Variants in PDE4B observed in about 807,000 individuals in gnomAD.
The protein encoded by PDE4B is 3',5'-cyclic-AMP phosphodiesterase 4B.
Under a neutral mutation model 82.2 loss-of-function variants are expected in PDE4B, and 20 were observed. The observed-to-expected ratio is 0.24, with a 90% CI of 0.17 to 0.35. The LOEUF is 0.35. Among genes scored for constraint, PDE4B ranks in the 10% least tolerant of loss-of-function variants. PDE4B has a pLI of 1.00. For missense variants in PDE4B, 655 were observed against 907.2 expected, an observed-to-expected ratio of 0.72 and a Z score of 3.57; for synonymous variants, 320 against 318.9, an observed-to-expected ratio of 1.00 and a Z score of -0.04.
chr1:65,933,188 A>G (rs1647932716), intron 3 of PDE4B, among the ~76,000 whole-genome samples: 2 of 152,196 alleles, frequency 1.3e-5, no homozygotes, highest in Non-Finnish European at 2.9e-5. Flanking sequence ...GCAAAGGGAG[A>G]ATTTTCAAAG....
At chr1:66,054,441 C>G (rs1655198322) in intron 3 of PDE4B, among the ~76,000 whole-genome samples, 1 of 152,198 alleles carries the variant, frequency 6.6e-6, no homozygotes. Flanking sequence ...CAAAAGTTTT[C>G]TCATGCCCCC....
At chr1:66,270,436 A>G (rs1311191004) in intron 7 of PDE4B, among the ~76,000 whole-genome samples, 1 of 152,222 alleles carries the variant, frequency 6.6e-6, no homozygotes, top group Non-Finnish European at 1.5e-5. Context: ...AGTAGTGGAC[A>G]AGAGGGTCAG....
chr1:66,263,791 AC>A (rs2101723547), intron 6 of PDE4B, among the ~76,000 whole-genome samples: 1 of 151,646 alleles, frequency 6.6e-6, no homozygotes, highest in African/African-American at 2.4e-5. Flanking sequence ...CCTTAACTTA[AC>A]CTTTGATGGG....
chr1:66,123,493 C>T (rs1463258147), intron 3 of PDE4B, among the ~76,000 whole-genome samples: 1 of 151,956 alleles, frequency 6.6e-6, no homozygotes, highest in East Asian at 1.9e-4. Flanking sequence ...CTTCCTTTGT[C>T]ATTCCCTCTC....
intron 1 of PDE4B, among the ~76,000 whole-genome samples, chr1:65,816,917 A>G (rs116587067): frequency 0.011 from 1,690 of 152,360 alleles, 33 homozygotes; most frequent in African/African-American, 0.039. Flanking sequence ...TCATAAACAT[A>G]TTTGTAAAAA....
chr1:66,081,133 T>G (rs2100959736), intron 3 of PDE4B, among the ~76,000 whole-genome samples: 1 of 152,304 alleles, frequency 6.6e-6, no homozygotes, highest in South Asian at 2.1e-4. Context: ...CCATGGTCTT[T>G]TGCTCCATGT....
chr1:65,835,627 C>T (rs193218243), intron 1 of PDE4B, among the ~76,000 whole-genome samples: 1 of 152,246 alleles, frequency 6.6e-6, no homozygotes, highest in African/African-American at 2.4e-5. Context: ...TCACTAGAGG[C>T]ATCAACTTTT....
At chr1:65,905,530 AT>A (rs1647019826) in intron 1 of PDE4B, among the ~76,000 whole-genome samples, 1 of 152,160 alleles carries the variant, frequency 6.6e-6, no homozygotes, top group South Asian at 2.1e-4. Flanking sequence ...TAATCTTCAT[AT>A]TAAGGGTTTT....
At chr1:66,115,906 C>G (rs1434700015) in intron 3 of PDE4B, among the ~76,000 whole-genome samples, 2 of 152,172 alleles carry the variant, frequency 1.3e-5, no homozygotes, top group Non-Finnish European at 2.9e-5. Context: ...TTTTCTATGA[C>G]TTTGTACGTA....
At chr1:66,107,266 C>G (rs1645383854) in intron 3 of PDE4B, among the ~76,000 whole-genome samples, 1 of 151,996 alleles carries the variant, frequency 6.6e-6, no homozygotes, top group South Asian at 2.1e-4. Flanking sequence ...GTTTCTTAAT[C>G]CTGAATTCTA....
chr1:65,803,121 C>T (rs181821689), intron 1 of PDE4B, among the ~76,000 whole-genome samples: 1 of 152,192 alleles, frequency 6.6e-6, no homozygotes, highest in African/African-American at 2.4e-5. Flanking sequence ...TTGCTATACT[C>T]ATTCAAGATA....
At chr1:66,115,120 T>C (rs141843741) in intron 3 of PDE4B, among the ~76,000 whole-genome samples, 2 of 152,322 alleles carry the variant, frequency 1.3e-5, no homozygotes, top group East Asian at 1.9e-4. Context: ...TAAATGACCA[T>C]TGGTAATATA....
chr1:66,111,850 C>T (rs899800378), intron 3 of PDE4B, among the ~76,000 whole-genome samples: 1 of 151,798 alleles, frequency 6.6e-6, no homozygotes, highest in African/African-American at 2.4e-5. Flanking sequence ...GGTTTCTTAC[C>T]AAAAATAAAC....
At chr1:65,878,569 A>G (rs1646674863) in intron 1 of PDE4B, among the ~76,000 whole-genome samples, 3 of 152,228 alleles carry the variant, frequency 2.0e-5, no homozygotes, top group Non-Finnish European at 4.4e-5. Context: ...GGATGAGTTC[A>G]TGTCCTTTGC....
intron 3 of PDE4B, among the ~76,000 whole-genome samples, chr1:66,177,302 T>A (rs1401637049): frequency 6.6e-6 from 1 of 152,192 alleles, no homozygotes; most frequent in Non-Finnish European, 1.5e-5. Context: ...CAAGAAATGT[T>A]GTCTGTTTTG....
chr1:66,332,293 T>TG, intron 7 of PDE4B: 2 of 1,525,740 alleles, frequency 1.3e-6, no homozygotes, highest in Non-Finnish European at 8.8e-7. Context: ...GGCGGGGGGT[T>TG]GGGGGGAAAC....
At chr1:66,035,991 A>T (rs532113104) in intron 3 of PDE4B, among the ~76,000 whole-genome samples, 1 of 152,088 alleles carries the variant, frequency 6.6e-6, no homozygotes, top group Non-Finnish European at 1.5e-5. Flanking sequence ...TTTTTTCCAC[A>T]TCCTTAACAA....
At chr1:66,335,698 T>A (rs1660464163) in intron 8 of PDE4B, among the ~76,000 whole-genome samples, 1 of 152,170 alleles carries the variant, frequency 6.6e-6, no homozygotes, top group Non-Finnish European at 1.5e-5. Context: ...ATTATTTTCC[T>A]CCAAGAATTA....
chr1:66,009,337 A>G (rs1458347545), intron 3 of PDE4B, among the ~76,000 whole-genome samples: 1 of 152,008 alleles, frequency 6.6e-6, no homozygotes, highest in Non-Finnish European at 1.5e-5. Flanking sequence ...ATTACCTCAA[A>G]CCTGGATTAT....
Sources: allele counts gnomAD v4.1 joint callset (sites outside exome capture counted in the v4.1 genomes callset), GRCh38; gene constraint gnomAD v4.1.1; transcripts MANE v1.5; gene names NCBI Gene and HGNC (gene_info 2026-07-23, HGNC 2026-07-21).